The following SH3KBP1 variants were observed in gnomAD, a reference collection of about 807,000 sequenced individuals.
SH3KBP1 encodes the protein SH3 domain-containing kinase-binding protein 1.
Under a neutral mutation model 50.1 loss-of-function variants are expected in SH3KBP1, and 8 were observed. The observed-to-expected ratio is 0.16, with a 90% confidence interval of 0.09 to 0.29. The LOEUF (loss-of-function observed/expected upper bound fraction) is 0.29, where lower values mean the gene tolerates loss of function less well. SH3KBP1 is among the 10% of genes least tolerant of loss of function. The pLI, the probability that SH3KBP1 is intolerant of heterozygous loss-of-function variation, is 1.00. For missense variants in SH3KBP1, 377 were observed against 535.2 expected (o/e 0.70, Z 2.92); for synonymous variants, 227 against 218.6 (o/e 1.04, Z -0.34).
At chrX:19,584,116 A>G (rs1249081215) in intron 12 of SH3KBP1, among the ~76,000 whole-genome samples, 2 of 93,198 alleles carry the variant, frequency 2.1e-5, no homozygotes, top group Non-Finnish European at 4.1e-5. Context: ...TGTCCAACTG[A>G]TTTTATGTTA....
At chrX:19,781,619 A>C (rs1467337949) in intron 2 of SH3KBP1, among the ~76,000 whole-genome samples, 1 of 107,308 alleles carries the variant, frequency 9.3e-6, no homozygotes, top group Non-Finnish European at 1.9e-5. Flanking sequence ...CTCGGTCACA[A>C]AAAAAAAAAA....
chrX:19,781,425 C>T (rs2066175296), intron 2 of SH3KBP1, among the ~76,000 whole-genome samples: 1 of 110,266 alleles, frequency 9.1e-6, no homozygotes, highest in African/African-American at 3.3e-5. Context: ...CTAGACCAGC[C>T]TAGGCAACAT....
intron 6 of SH3KBP1, among the ~76,000 whole-genome samples, chrX:19,669,617 TAC>T (rs1439636701): frequency 8.9e-6 from 1 of 111,766 alleles, no homozygotes; most frequent in Non-Finnish European, 1.9e-5. Context: ...TGCATATAAA[TAC>T]CTCATTCAGA....
chrX:19,659,387 T>A (rs1315928827), intron 6 of SH3KBP1, among the ~76,000 whole-genome samples: 2 of 110,251 alleles, frequency 1.8e-5, no homozygotes, highest in Non-Finnish European at 3.8e-5. Flanking sequence ...AGTGCTAGGA[T>A]TACAAGCATG....
intron 3 of SH3KBP1, among the ~76,000 whole-genome samples, chrX:19,727,924 G>A (rs772385575): frequency 3.6e-5 from 4 of 110,405 alleles, no homozygotes; most frequent in South Asian, 3.8e-4. Context: ...GCAGTGAGCC[G>A]AGATCACACC....
intron 2 of SH3KBP1, among the ~76,000 whole-genome samples, chrX:19,802,960 G>GT (rs759686015): frequency 1.8e-5 from 2 of 111,465 alleles, no homozygotes; most frequent in Non-Finnish European, 3.8e-5. Context: ...GGTTGGGGGC[G>GT]TGAGAGCCAG....
At position 19,669,890 on chromosome X, in the gene SH3KBP1, A is replaced by ATT. The variant is rs35848210; in HGVS notation, c.726+13931_726+13932dup. Among the ~76,000 whole-genome samples the ATT allele has an allele frequency of 4.9e-3, 498 of 102,493 alleles. 1 individual carries two copies. The highest frequency in any genetic ancestry group is 7.2e-3 in the African/African-American group (204 of 28,325). The allele number at this position is 102,493 out of a possible 115,157, so 89.0% of individuals were successfully genotyped here. A position where few individuals can be genotyped will look rare whatever the true frequency, so the allele number is the denominator to read the frequency against. ...CAATGTGTTTCCTTTTGGCCACGCT[A>ATT]TTTTTTTTTTTTTGTAATTTTGAAA... On this transcript the variant is annotated intron_variant, in intron 6 of 17. Coordinates refer to ENST00000397821, the MANE Select transcript of SH3KBP1 (RefSeq NM_031892.3).
At chrX:19,794,182 C>T (rs1490927968) in intron 2 of SH3KBP1, among the ~76,000 whole-genome samples, 9 of 103,347 alleles carry the variant, frequency 8.7e-5, no homozygotes, top group African/African-American at 2.9e-4. Flanking sequence ...ATCACTGAGC[C>T]CAGGAGTTCA....
rs1569373408 is a variant in SH3KBP1 at position 19,643,317 on chromosome X, TTTTTA to T, written c.802+2078_802+2082del. Among the ~76,000 whole-genome samples the T allele has an allele frequency of 2.6e-4, 23 of 86,846 alleles. 2 individuals are homozygous for T. The highest frequency in any genetic ancestry group is 6.4e-4 in the African/African-American group (10 of 15,553). 75.4% of individuals were successfully genotyped at this position (86,846 alleles called of 115,157 possible). ...ACTGAAGAATTTTTTATTTTTTTTT[TTTTTA>T]TTTTTTTTTTTTTTTGAGACAGGGT... On this transcript the variant is annotated intron_variant, in intron 7 of 17. Coordinates refer to ENST00000397821, the MANE Select transcript of SH3KBP1 (RefSeq NM_031892.3).
chrX:19,771,546 T>G (rs978221640), intron 2 of SH3KBP1, among the ~76,000 whole-genome samples: 2 of 111,740 alleles, frequency 1.8e-5, no homozygotes, highest in Non-Finnish European at 3.8e-5. Context: ...TTGTAGAAAA[T>G]TAAGTAACTT....
intron 7 of SH3KBP1, among the ~76,000 whole-genome samples, chrX:19,634,031 GGTGT>G (rs60109180): frequency 0.12 from 3,843 of 32,037 alleles, 381 homozygotes; most frequent in Middle Eastern, 0.19. Flanking sequence ...TTTGTTCCCT[GGTGT>G]GTGTGTGTGT....
At chrX:19,859,268 C>T (rs1317538267) in intron 1 of SH3KBP1, among the ~76,000 whole-genome samples, 1 of 110,541 alleles carries the variant, frequency 9.0e-6, no homozygotes, top group Non-Finnish European at 1.9e-5. Context: ...CCTGCCTCAG[C>T]CTCCTGAGTA....
chrX:19,829,707 C>A (rs558654992), intron 2 of SH3KBP1, among the ~76,000 whole-genome samples: 5 of 98,705 alleles, frequency 5.1e-5, no homozygotes, highest in South Asian at 9.4e-4. Context: ...GATCTCCCCA[C>A]TGCACTCCGT....
At chrX:19,642,974 G>A (rs1236376198) in intron 7 of SH3KBP1, among the ~76,000 whole-genome samples, 6 of 111,232 alleles carry the variant, frequency 5.4e-5, no homozygotes, top group East Asian at 5.7e-4. Flanking sequence ...AGACATCTAC[G>A]CAGGAAGGAG....
intron 4 of SH3KBP1, among the ~76,000 whole-genome samples, chrX:19,700,864 A>T (rs959405044): frequency 8.9e-6 from 1 of 112,283 alleles, no homozygotes; most frequent in African/African-American, 3.2e-5. Flanking sequence ...TGGCTGGGCC[A>T]GAACATTCCA....
intron 1 of SH3KBP1, among the ~76,000 whole-genome samples, chrX:19,838,093 AACAAC>A (rs1211977122): frequency 5.3e-4 from 58 of 108,818 alleles, no homozygotes; most frequent in Middle Eastern, 9.4e-3. Context: ...CAACAACAAC[AACAAC>A]AAACCAACTT....
At chrX:19,875,070 G>A (rs180824928) in intron 1 of SH3KBP1, among the ~76,000 whole-genome samples, 3 of 111,038 alleles carry the variant, frequency 2.7e-5, no homozygotes, top group East Asian at 5.7e-4. Flanking sequence ...GGGTTAACTC[G>A]TCAGGCGGTG....
intron 8 of SH3KBP1, among the ~76,000 whole-genome samples, chrX:19,614,471 T>C (rs1268254245): frequency 8.9e-6 from 1 of 112,045 alleles, no homozygotes; most frequent in Non-Finnish European, 1.9e-5. Context: ...ATGTACTAGA[T>C]GAGTGGCTCT....
chrX:19,832,461 G>A (rs2067922894), intron 2 of SH3KBP1, among the ~76,000 whole-genome samples: 1 of 111,708 alleles, frequency 9.0e-6, no homozygotes, highest in African/African-American at 3.3e-5. Flanking sequence ...CACAGGGTGG[G>A]TGAGGTATAA....
Sources: allele counts gnomAD v4.1 joint callset (sites outside exome capture counted in the v4.1 genomes callset), GRCh38; gene constraint gnomAD v4.1.1; transcripts MANE v1.5; gene names NCBI Gene and HGNC (gene_info 2026-07-23, HGNC 2026-07-21).